Variants in LDLRAD3 observed in about 807,000 individuals in gnomAD.
LDLRAD3 encodes low density lipoprotein receptor class A domain containing 3.
LDLRAD3 carries 20 observed loss-of-function variants against 29.4 expected under a neutral mutation model. The observed-to-expected ratio is 0.68, with a 90% confidence interval of 0.48 to 0.99. The LOEUF (loss-of-function observed/expected upper bound fraction) is 0.99, where lower values mean the gene tolerates loss of function less well. LDLRAD3 is among the 50% of genes least tolerant of loss of function. LDLRAD3 has a pLI of 0.00. For missense variants in LDLRAD3, 420 were observed against 454.3 expected (o/e 0.92, Z 0.69); for synonymous variants, 157 against 192.7 (o/e 0.81, Z 1.53).
At chr11:36,145,631 A>G (rs895321886) in intron 4 of LDLRAD3, among the ~76,000 whole-genome samples, 5 of 151,604 alleles carry the variant, frequency 3.3e-5, no homozygotes, top group African/African-American at 1.2e-4. Flanking sequence ...AGAGGTAGAC[A>G]TGGGAGACTT....
intron 2 of LDLRAD3, among the ~76,000 whole-genome samples, chr11:36,054,904 G>A (rs1476762434): frequency 1.4e-5 from 2 of 142,478 alleles, no homozygotes; most frequent in African/African-American, 5.4e-5. Flanking sequence ...TGGATGAATG[G>A]ATGGATGATG....
At chr11:36,159,010 A>C (rs1405734682) in intron 4 of LDLRAD3, among the ~76,000 whole-genome samples, 1 of 152,226 alleles carries the variant, frequency 6.6e-6, no homozygotes, top group Non-Finnish European at 1.5e-5. Context: ...GTGCAAGAGA[A>C]CACCAGTTTT....
At chr11:36,204,464 T>G (rs1855176116) in intron 4 of LDLRAD3, among the ~76,000 whole-genome samples, 4 of 151,172 alleles carry the variant, frequency 2.6e-5, no homozygotes, top group Admixed American at 6.6e-5. Flanking sequence ...GCATGTTGGG[T>G]TTTTCTTGAT....
chr11:36,174,947 A>G (rs541804670), intron 4 of LDLRAD3, among the ~76,000 whole-genome samples: 11 of 152,026 alleles, frequency 7.2e-5, no homozygotes, highest in Non-Finnish European at 1.5e-4. Context: ...GTGCTACTCC[A>G]CTCCAGCCTG....
intron 1 of LDLRAD3, among the ~76,000 whole-genome samples, chr11:35,951,371 C>T (rs905696230): frequency 6.6e-6 from 1 of 152,102 alleles, no homozygotes; most frequent in East Asian, 1.9e-4. Flanking sequence ...AACTCAAGTA[C>T]TATATTTCAT....
chr11:36,177,648 A>T (rs149144978), intron 4 of LDLRAD3, among the ~76,000 whole-genome samples: 345 of 152,330 alleles, frequency 2.3e-3, no homozygotes, highest in African/African-American at 7.8e-3. Flanking sequence ...GAGTGCCTGC[A>T]GAGAGTCAAA....
intron 4 of LDLRAD3, among the ~76,000 whole-genome samples, chr11:36,185,484 A>G (rs1565287295): frequency 6.6e-6 from 1 of 152,168 alleles, no homozygotes; most frequent in Admixed American, 6.5e-5. Flanking sequence ...TAGACAATAA[A>G]TGCAGTTTGA....
At chr11:36,201,756 T>C (rs1043936214) in intron 4 of LDLRAD3, among the ~76,000 whole-genome samples, 2 of 152,234 alleles carry the variant, frequency 1.3e-5, no homozygotes, top group Admixed American at 6.5e-5. Context: ...CTCAAACTAT[T>C]AGCAAAGTCT....
At chr11:35,989,577 G>C (rs924499359) in intron 1 of LDLRAD3, among the ~76,000 whole-genome samples, 1 of 152,092 alleles carries the variant, frequency 6.6e-6, no homozygotes, top group Non-Finnish European at 1.5e-5. Context: ...TCCTTATAGA[G>C]ATCTTTCACC....
At position 36,049,087 on chromosome 11, in the gene LDLRAD3, C is replaced by A. The variant is rs552315188; in HGVS notation, c.193+12838C>A. Among the ~76,000 whole-genome samples, 7 of 152,176 alleles carry A rather than the reference C, an allele frequency of 4.6e-5. No homozygotes were observed. In the South Asian group the frequency reaches 8.3e-4, roughly 18 times the overall value. Reference sequence around the variant, plus strand: ...TCTGGAATGAGTGTGGTCAGGTTGCCTGGGCCCCTGTCATTCCAGCATGCT... The same window carrying A: ...TCTGGAATGAGTGTGGTCAGGTTGCATGGGCCCCTGTCATTCCAGCATGCT... On this transcript the variant is annotated intron_variant, in intron 2 of 5. Transcript: ENST00000315571.
rs564079130 is a variant in LDLRAD3 at position 36,094,684 on chromosome 11, C to T, written c.320-3643C>T. ...CCAAGTAGCTGGGATTACAGGCATGCGCCACTACCACCCAGCTAATTTTTG... is the reference window on the plus strand; with the variant it reads ...CCAAGTAGCTGGGATTACAGGCATGTGCCACTACCACCCAGCTAATTTTTG... On this transcript the variant is annotated intron_variant, in intron 3 of 5. Transcript: ENST00000315571. Among the ~76,000 whole-genome samples the T allele has an allele frequency of 1.6e-4, 25 of 152,150 alleles. No individual in the cohort carries two copies. In the South Asian group the frequency reaches 2.9e-3, roughly 18 times the overall value.
chr11:36,051,170 A>G (rs1170244707), intron 2 of LDLRAD3, among the ~76,000 whole-genome samples: 1 of 152,236 alleles, frequency 6.6e-6, no homozygotes, highest in Non-Finnish European at 1.5e-5. Context: ...GGGTAAAGAA[A>G]GAAGAGGATG....
intron 4 of LDLRAD3, among the ~76,000 whole-genome samples, chr11:36,191,640 AAAG>A (rs1332396997): frequency 6.7e-6 from 1 of 148,828 alleles, no homozygotes; most frequent in Non-Finnish European, 1.5e-5. Flanking sequence ...ACGCACGCAC[AAAG>A]AAGAAATTGA....
chr11:36,172,655 C>T (rs1854614070), intron 4 of LDLRAD3, among the ~76,000 whole-genome samples: 1 of 151,908 alleles, frequency 6.6e-6, no homozygotes, highest in Non-Finnish European at 1.5e-5. Context: ...TTAAACCAGC[C>T]CTGCATCCCT....
chr11:36,116,414 C>T (rs1038243194), intron 4 of LDLRAD3, among the ~76,000 whole-genome samples: 6 of 151,980 alleles, frequency 3.9e-5, no homozygotes, highest in Non-Finnish European at 8.8e-5. Flanking sequence ...GGGGTGAAAC[C>T]GACCCTCTTC....
rs912705174 is a variant in LDLRAD3, at chr11:35,973,830, C to T, written c.46+29686C>T. On this transcript the variant is annotated intron_variant, in intron 1 of 5. Coordinates refer to ENST00000315571, the MANE Select transcript of LDLRAD3 (RefSeq NM_174902.4). ...CCTCTAGAGAGGCTGCACCAGTATA[C>T]TCCCCACCAGCACTAAATGAGGGTG... Among the ~76,000 whole-genome samples, 25 of 152,238 alleles carry T rather than the reference C, an allele frequency of 1.6e-4. No homozygotes were observed. In the East Asian group the frequency reaches 2.5e-3, roughly 15 times the overall value.
chr11:36,216,252 TC>T (rs893058427), intron 4 of LDLRAD3, among the ~76,000 whole-genome samples: 1 of 152,196 alleles, frequency 6.6e-6, no homozygotes, highest in African/African-American at 2.4e-5. Flanking sequence ...GGCCAGGGAT[TC>T]CCCTTTCTGA....
chr11:36,217,656 T>G (rs559202599), intron 4 of LDLRAD3, among the ~76,000 whole-genome samples: 1 of 152,286 alleles, frequency 6.6e-6, no homozygotes, highest in East Asian at 1.9e-4. Flanking sequence ...TCTCTCACAG[T>G]TCTGGAGGCC....
At chr11:35,959,204 C>T (rs1285353767) in intron 1 of LDLRAD3, among the ~76,000 whole-genome samples, 1 of 152,240 alleles carries the variant, frequency 6.6e-6, no homozygotes, top group Non-Finnish European at 1.5e-5. Flanking sequence ...TCTGGTCTCA[C>T]TATTAATTAA....
Sources: gnomAD v4.1 joint callset for allele counts (sites outside exome capture counted in the v4.1 genomes callset) on GRCh38, gnomAD v4.1.1 for gene constraint, MANE v1.5 for transcripts, NCBI Gene and HGNC (gene_info 2026-07-23, HGNC 2026-07-21) for gene names.